GMEB2: variants seen among roughly 807,000 people sequenced by gnomAD.
GMEB2 encodes glucocorticoid modulatory element binding protein 2.
In GMEB2, 7 loss-of-function variants were observed where a neutral mutation model predicts 45.7. That is an observed-to-expected ratio of 0.15 (90% confidence interval 0.09 to 0.29). The LOEUF is 0.29. GMEB2 is among the 10% of genes least tolerant of loss of function. The pLI is 1.00. For missense variants in GMEB2, 582 were observed against 739.2 expected, an observed-to-expected ratio of 0.79 and a Z score of 2.47; for synonymous variants, 322 against 323.6, an observed-to-expected ratio of 1.00 and a Z score of 0.05.
At chr20:63,611,597 G>A (rs1251794481) in intron 2 of GMEB2, among the ~76,000 whole-genome samples, 2 of 150,834 alleles carry the variant, frequency 1.3e-5, no homozygotes, top group Admixed American at 6.6e-5. Flanking sequence ...CCTGTGTGAC[G>A]GAGTGAGACT....
chr20:63,619,697 C>T lies in GMEB2; in HGVS notation c.-57-243G>A, dbSNP rs2089632820. 1 of 224,496 alleles carries T rather than the reference C, an allele frequency of 4.5e-6. No individual in the cohort carries two copies. Among genetic ancestry groups the T allele is most frequent in the Non-Finnish European group, 8.9e-6 (1 of 112,660 alleles). 13.9% of individuals were successfully genotyped at this position (224,496 alleles called of 1,614,324 possible). On this transcript the variant is annotated intron_variant, in intron 1 of 9. Coordinates refer to ENST00000370077, the MANE Select transcript of GMEB2 (RefSeq NM_012384.5). The surrounding 1 kb of genome is among the most constrained non-coding windows in gnomAD (Gnocchi z 4.6). The stretch of plus-strand genomic sequence containing the variant: ...AAACCCTTGGGTAGAAAGCACAGAG[C>T]CACTCCCTCCACGTGGGGCTCAGAG...
chr20:63,592,784 C>T lies in GMEB2; in HGVS notation c.692-114G>A, dbSNP rs911085221. The T allele has an allele frequency of 2.1e-5, 19 of 923,976 alleles. No individual in the cohort carries two copies. Among genetic ancestry groups the T allele is most frequent in the African/African-American group, 9.8e-5 (6 of 61,146 alleles). The allele number at this position is 923,976 out of a possible 1,614,324, so 57.2% of individuals were successfully genotyped here. A position where few individuals can be genotyped will look rare whatever the true frequency, so the allele number is the denominator to read the frequency against. ...GAGGACACCATGCCAGAGCCGGCAG[C>T]GCCTGGCACTGTGCTGGGCTTGCAC... On this transcript the variant is annotated intron_variant, in intron 7 of 9. Transcript: ENST00000370077. This position sits in a 1 kb window ranked among gnomAD's most constrained non-coding sequence, Gnocchi z 8.2.
intron 2 of GMEB2, among the ~76,000 whole-genome samples, chr20:63,609,780 C>T: frequency 1.0e-5 from 1 of 96,832 alleles, no homozygotes; most frequent in Non-Finnish European, 2.5e-5. Context: ...GAAACATGCC[C>T]CTCTGACCCC....
chr20:63,616,978 G>GTT (rs756258226), intron 2 of GMEB2, among the ~76,000 whole-genome samples: 7 of 144,902 alleles, frequency 4.8e-5, no homozygotes, highest in Admixed American at 6.9e-5. Flanking sequence ...CCTTCTGGTG[G>GTT]TTTTTTTTTT....
At chr20:63,599,522 C>T (rs1228257594) in intron 4 of GMEB2, among the ~76,000 whole-genome samples, 5 of 152,198 alleles carry the variant, frequency 3.3e-5, no homozygotes, top group South Asian at 2.1e-4. Flanking sequence ...CTCACGGTGT[C>T]GTCACTCGCC....
intron 5 of GMEB2, among the ~76,000 whole-genome samples, chr20:63,596,811 T>G (rs773215647): frequency 2.0e-5 from 3 of 152,138 alleles, no homozygotes; most frequent in African/African-American, 7.2e-5. Context: ...TGAGGTCAAG[T>G]GTTCGAGACC....
chr20:63,602,851 C>T, intron 4 of GMEB2, 114 bp downstream of exon 4: 1 of 902,906 alleles, frequency 1.1e-6, no homozygotes, highest in Non-Finnish European at 1.7e-6. Context: ...CTCCTTCACT[C>T]TCCCCAGCCC....
Position 63,603,756 on chromosome 20 carries a change from A to G in GMEB2, c.230-664T>C, listed in dbSNP as rs138985564. On this transcript the variant is annotated intron_variant, in intron 3 of 9. Coordinates refer to ENST00000370077, the MANE Select transcript of GMEB2 (RefSeq NM_012384.5). ...GACTCCCTCTCAAAAAAAGAAAAAA[A>G]AAGAATTTTTACTGGGCCAGGCGAG... Among the ~76,000 whole-genome samples the G allele has an allele frequency of 2.0e-5, 3 of 151,844 alleles. No homozygotes were observed. In the East Asian group the frequency reaches 5.8e-4, roughly 29 times the overall value.
intron 4 of GMEB2, among the ~76,000 whole-genome samples, chr20:63,601,441 A>C (rs2083240424): frequency 6.6e-6 from 1 of 152,176 alleles, no homozygotes; most frequent in African/African-American, 2.4e-5. Context: ...GCTATGGCTA[A>C]TCTGCTGAAG....
intron 2 of GMEB2, among the ~76,000 whole-genome samples, chr20:63,608,924 G>C (rs1790203883): frequency 1.2e-4 from 3 of 24,448 alleles, no homozygotes; most frequent in African/African-American, 2.6e-4. Flanking sequence ...CTAGAAACAT[G>C]CCCCTGTGAC....
intron 4 of GMEB2, among the ~76,000 whole-genome samples, chr20:63,598,555 C>T (rs552930224): frequency 2.6e-5 from 4 of 152,288 alleles, no homozygotes; most frequent in African/African-American, 9.6e-5. Flanking sequence ...GGAGGAGTCA[C>T]GAGGTCTCTG....
At chr20:63,604,681 C>A (rs1326003830) in intron 3 of GMEB2, 62 bp downstream of exon 3, 3 of 899,968 alleles carry the variant, frequency 3.3e-6, no homozygotes, top group Non-Finnish European at 5.7e-6. Flanking sequence ...ATTTTGAGTG[C>A]AGGACTGTCC....
rs1206520153 is a variant in GMEB2 at position 63,604,792 on chromosome 20, T to C, written c.180A>G (p.Ala60=). The C allele has an allele frequency of 1.2e-6, 2 of 1,611,878 alleles. No homozygotes were observed. Among genetic ancestry groups the C allele is most frequent in the Admixed American group, 1.7e-5 (1 of 60,016 alleles). ...AGGAGGCTGTGAAGGCCGCGGCAGC[T>C]GCTGCCGCTGCATTTTCTGTCTCCA... ...DNMETENAAA[A]AAAAFTASSQ... is the part of the protein sequence containing the mutation. Residue 60 remains alanine, a synonymous_variant, in exon 3 of 10, where the codon GCA becomes GCG. Transcript: ENST00000370077.
intron 2 of GMEB2, among the ~76,000 whole-genome samples, chr20:63,613,238 A>G (rs2089583859): frequency 6.6e-6 from 1 of 152,218 alleles, no homozygotes; most frequent in African/African-American, 2.4e-5. Flanking sequence ...CAAGCATAAG[A>G]TGTGAGCAAA....
In GMEB2 at chr20:63,589,028, A is replaced by G. The variant is rs1357748289; in HGVS notation, c.*1061T>C. ...GCTCTCCCTTGGACAGAGACCACCA[A>G]GGGCCAGCCCAGGGGCTGCATGGGG... On this transcript the variant is annotated 3_prime_UTR_variant, in exon 10 of 10. Transcript: ENST00000370077. The G allele has an allele frequency of 7.5e-6, 3 of 398,716 alleles. No individual in the cohort carries two copies. Among genetic ancestry groups the G allele is most frequent in the Non-Finnish European group, 4.4e-6 (1 of 226,206 alleles). 24.7% of individuals were successfully genotyped at this position (398,716 alleles called of 1,614,324 possible). A position where few individuals can be genotyped will look rare whatever the true frequency, so the allele number is the denominator to read the frequency against.
intron 2 of GMEB2, among the ~76,000 whole-genome samples, chr20:63,610,112 G>A (rs2089557797): frequency 6.6e-6 from 1 of 152,246 alleles, no homozygotes; most frequent in African/African-American, 2.4e-5. Context: ...AGCTGCCTCT[G>A]GGGAGATGAT....
chr20:63,594,654 A>G (rs997288413), intron 6 of GMEB2, among the ~76,000 whole-genome samples: 4 of 152,206 alleles, frequency 2.6e-5, no homozygotes, highest in Non-Finnish European at 5.9e-5. Context: ...GCGGAGTGGC[A>G]GCTTAGGGAC....
In GMEB2 at chr20:63,592,051, G is replaced by A; in HGVS notation, c.923C>T (p.Ser308Leu). 1 of 1,612,818 alleles carries A rather than the reference G, an allele frequency of 6.2e-7. No individual in the cohort carries two copies. The highest frequency in any genetic ancestry group is 8.5e-7 in the Non-Finnish European group (1 of 1,179,832). The change falls in exon 9 of 10, where the codon TCG (serine) becomes TTG (leucine). Residue 308 changes from serine (S) to leucine (L), a missense_variant. Physicochemically the swap from Ser to Leu is moderately radical, Grantham distance 145. This residue lies in a region of GMEB2 where 462 missense variants were observed against 586.7 expected (regional missense o/e 0.79). Coordinates refer to ENST00000370077, the MANE Select transcript of GMEB2 (RefSeq NM_012384.5). The surrounding 1 kb of genome is among the most constrained non-coding windows in gnomAD (Gnocchi z 8.2). ...CAGGTCCCGGGCGTACTGCTCCCGC[G>A]AGCGGTCCATCTGGCACTTGTGGCT... Reference protein sequence around the residue: ...LASHKCQMDRSREQYARDLAA... With the variant: ...LASHKCQMDRLREQYARDLAA...
At position 63,592,872 on chromosome 20, in the gene GMEB2, C is replaced by T. The variant is rs2083161000; in HGVS notation, c.691+139G>A. 2.8e-6 allele frequency: 2 copies of T among 721,288 alleles called. No homozygotes were observed. Among genetic ancestry groups the T allele is most frequent in the Non-Finnish European group, 4.9e-6 (2 of 408,696 alleles). 44.7% of individuals were successfully genotyped at this position (721,288 alleles called of 1,614,324 possible). On this transcript the variant is annotated intron_variant, in intron 7 of 9. Transcript: ENST00000370077. The surrounding 1 kb of genome is among the most constrained non-coding windows in gnomAD (Gnocchi z 8.2). ...CAGCCTCAGAGCGCCCACGACAATG[C>T]TGCTGGAACCAGGCCTTTCTCCACA...
Sources: allele counts gnomAD v4.1 joint callset (sites outside exome capture counted in the v4.1 genomes callset), GRCh38; gene constraint gnomAD v4.1.1; regional missense constraint gnomAD v4.1.1; non-coding constraint Gnocchi (gnomAD v3.1); transcripts MANE v1.5; gene names NCBI Gene and HGNC (gene_info 2026-07-23, HGNC 2026-07-21).